The following RAB11FIP5 variants were observed in gnomAD, a reference collection of about 807,000 sequenced individuals.
The protein encoded by RAB11FIP5 is rab11 family-interacting protein 5.
Under a neutral mutation model 85.1 loss-of-function variants are expected in RAB11FIP5, and 48 were observed. The ratio of observed to expected loss-of-function variants is 0.56; its 90% CI spans 0.45 to 0.72. The LOEUF is 0.72. RAB11FIP5 is among the 30% of genes least tolerant of loss of function. RAB11FIP5 has a pLI of 0.00. For missense variants in RAB11FIP5, 1,491 were observed against 1,687.0 expected (o/e 0.88, Z 2.04); for synonymous variants, 729 against 727.3 (o/e 1.00, Z -0.04).
At chr2:73,104,175 T>C (rs1205734243) in intron 1 of RAB11FIP5, among the ~76,000 whole-genome samples, 6 of 152,204 alleles carry the variant, frequency 3.9e-5, no homozygotes, top group South Asian at 4.1e-4. Flanking sequence ...ACTGGTAATG[T>C]TGGATGTCTC....
At chr2:73,101,818 C>A (rs1388960159) in intron 1 of RAB11FIP5, among the ~76,000 whole-genome samples, 2 of 152,208 alleles carry the variant, frequency 1.3e-5, no homozygotes, top group Admixed American at 6.5e-5. Flanking sequence ...TGACACCCAC[C>A]ACCCCTTAAA....
chr2:73,095,963 C>T (rs1371713822), intron 1 of RAB11FIP5, among the ~76,000 whole-genome samples: 2 of 152,190 alleles, frequency 1.3e-5, no homozygotes, highest in African/African-American at 2.4e-5. Context: ...TGTCCGAGAG[C>T]AGCCCAGCCT....
chr2:73,093,880 G>A (rs1288304842), intron 1 of RAB11FIP5, among the ~76,000 whole-genome samples: 1 of 152,206 alleles, frequency 6.6e-6, no homozygotes, highest in Non-Finnish European at 1.5e-5. Context: ...CAGCACTTTG[G>A]GAGGCCAAGG....
At chr2:73,100,761 C>T (rs1684414197) in intron 1 of RAB11FIP5, among the ~76,000 whole-genome samples, 1 of 151,946 alleles carries the variant, frequency 6.6e-6, no homozygotes, top group Non-Finnish European at 1.5e-5. Flanking sequence ...ATTGTCACTC[C>T]TGCCATTCCC....
At chr2:73,084,068 G>A (rs1684049304) in intron 3 of RAB11FIP5, 1 of 152,206 alleles carries the variant, frequency 6.6e-6, no homozygotes, top group South Asian at 2.1e-4. Flanking sequence ...CCTCAGGTTA[G>A]GCTCGGCAAC....
chr2:73,103,169 T>C (rs1684461380), intron 1 of RAB11FIP5, among the ~76,000 whole-genome samples: 1 of 152,174 alleles, frequency 6.6e-6, no homozygotes, highest in East Asian at 1.9e-4. Context: ...CCAGACATAA[T>C]TGCAGGACAG....
chr2:73,078,038 C>T lies in RAB11FIP5; in HGVS notation c.3581+1613G>A, dbSNP rs1356930677. ...GCAGAGCACCCATGCTCTGGGCAGACAGTATGGAGAAAGAATGCATCTCAG... is the reference window on the plus strand; with the variant it reads ...GCAGAGCACCCATGCTCTGGGCAGATAGTATGGAGAAAGAATGCATCTCAG... On this transcript the variant is annotated intron_variant, in intron 4 of 5. Coordinates refer to ENST00000486777, the MANE Select transcript of RAB11FIP5 (RefSeq NM_001371272.1). This position sits in a 1 kb window ranked among gnomAD's most constrained non-coding sequence, Gnocchi z 4.4. 6.6e-6 allele frequency among the ~76,000 whole-genome samples: 1 copy of T among 152,220 alleles called. No individual in the cohort carries two copies. Among genetic ancestry groups the T allele is most frequent in the African/African-American group, 2.4e-5 (1 of 41,450 alleles).
At chr2:73,077,031 C>G (rs1400109705) in intron 4 of RAB11FIP5, among the ~76,000 whole-genome samples, 1 of 152,170 alleles carries the variant, frequency 6.6e-6, no homozygotes, top group Non-Finnish European at 1.5e-5. Context: ...GACCCCACAG[C>G]CCCTTCTCAG....
chr2:73,081,132 A>G lies in RAB11FIP5; in HGVS notation c.2100T>C (p.Pro700=). ...TAKAAEPQGE[P]GGGGGGGGGG... ...CTCCTCCTCCTCCTCCTCCTCCCCC[A>G]GGCTCTCCCTGGGGCTCAGCTGCCT... The change falls in exon 4 of 6, where the codon CCT becomes CCC. Residue 700 remains proline, a synonymous_variant. Transcript: ENST00000486777. This position sits in a 1 kb window ranked among gnomAD's most constrained non-coding sequence, Gnocchi z 4.2. 1 of 1,231,886 alleles carries G rather than the reference A, an allele frequency of 8.1e-7. No individual in the cohort carries two copies. The highest frequency in any genetic ancestry group is 1.0e-6 in the Non-Finnish European group (1 of 988,996). The allele number at this position is 1,231,886 out of a possible 1,614,324, so 76.3% of individuals were successfully genotyped here.
intron 1 of RAB11FIP5, among the ~76,000 whole-genome samples, chr2:73,100,135 TAC>T (rs1209700907): frequency 2.0e-5 from 3 of 152,092 alleles, no homozygotes; most frequent in Non-Finnish European, 4.4e-5. Context: ...TTAGAGCTAG[TAC>T]AAACGGGAGA....
chr2:73,101,793 T>A (rs1301543612), intron 1 of RAB11FIP5, among the ~76,000 whole-genome samples: 1 of 152,060 alleles, frequency 6.6e-6, no homozygotes, highest in Non-Finnish European at 1.5e-5. Context: ...GATCCTGACA[T>A]CCTGACAACC....
In RAB11FIP5 at chr2:73,088,861, G is replaced by C; in HGVS notation, c.868+18C>G. Reference sequence around the variant, plus strand: ...CCAGTGCCCCCCTCCCCAGGGCGGCGGCCCTGTGCTTGCTCACCCCCTTCA... The same window carrying C: ...CCAGTGCCCCCCTCCCCAGGGCGGCCGCCCTGTGCTTGCTCACCCCCTTCA... On this transcript the variant is annotated intron_variant, in intron 2 of 5. Transcript: ENST00000486777. 1 of 1,549,348 alleles carries C rather than the reference G, an allele frequency of 6.5e-7. No homozygotes were observed. The highest frequency in any genetic ancestry group is 8.7e-7 in the Non-Finnish European group (1 of 1,150,154).
chr2:73,083,123 A>C (rs1202085476), intron 3 of RAB11FIP5, among the ~76,000 whole-genome samples: 1 of 152,242 alleles, frequency 6.6e-6, no homozygotes, highest in Non-Finnish European at 1.5e-5. Flanking sequence ...GTGAGTCCTG[A>C]AGGGGCAGAA....
intron 1 of RAB11FIP5, among the ~76,000 whole-genome samples, chr2:73,112,048 C>T (rs1211594566): frequency 1.3e-5 from 2 of 152,150 alleles, no homozygotes; most frequent in Non-Finnish European, 2.9e-5. Context: ...GTTTCCATAG[C>T]CCCAAAGCCT....
intron 1 of RAB11FIP5, among the ~76,000 whole-genome samples, chr2:73,107,187 A>C (rs1390797487): frequency 1.3e-5 from 2 of 152,186 alleles, no homozygotes; most frequent in Non-Finnish European, 2.9e-5. Context: ...GGAAGAACAA[A>C]ACTGCTTCAT....
chr2:73,102,069 CG>C (rs1408846660), intron 1 of RAB11FIP5, among the ~76,000 whole-genome samples: 15 of 151,862 alleles, frequency 9.9e-5, no homozygotes, highest in Admixed American at 9.8e-4. Flanking sequence ...GATGAGGGTG[CG>C]GGATGTGGCA....
chr2:73,088,913 T>C lies in RAB11FIP5; in HGVS notation c.834A>G (p.Ser278=). 1 of 1,587,494 alleles carries C rather than the reference T, an allele frequency of 6.3e-7. No homozygotes were observed. The highest frequency in any genetic ancestry group is 1.7e-4 in the Middle Eastern group (1 of 5,896). The change falls in exon 2 of 6, where the codon TCA becomes TCG. Residue 278 remains serine (S), a synonymous_variant. Coordinates refer to ENST00000486777, the MANE Select transcript of RAB11FIP5 (RefSeq NM_001371272.1). ...TGGACAGCCAGCTGCTACGGCTTGGTGAGCGGGTGAGGAGTTCGGCGCCAG... is the reference window on the plus strand; with the variant it reads ...TGGACAGCCAGCTGCTACGGCTTGGCGAGCGGGTGAGGAGTTCGGCGCCAG... ...QGPGAELLTR[S]PSRSSWLSTE... is the part of the protein sequence containing the mutation.
At position 73,080,249 on chromosome 2, in the gene RAB11FIP5, C is replaced by T. The variant is rs1192672065; in HGVS notation, c.2983G>A (p.Ala995Thr). ...PVSGPCLSAP[A>T]SCPEGPAPIP... ...GGGGCAGGACCCTCAGGGCAGCTGG[C>T]GGGTGCAGACAGGCAGGGCCCAGAC... is the stretch of plus-strand genomic sequence containing the variant. The change falls in exon 4 of 6, where the codon GCC becomes ACC. Residue 995 changes from alanine to threonine, a missense_variant. Physicochemically the swap from Ala to Thr is moderately conservative, Grantham distance 58 (BLOSUM62 0). Coordinates refer to ENST00000486777, the MANE Select transcript of RAB11FIP5 (RefSeq NM_001371272.1). 1.6e-5 allele frequency: 20 copies of T among 1,232,684 alleles called. No homozygotes were observed. The highest frequency in any genetic ancestry group is 1.9e-5 in the Non-Finnish European group (19 of 988,564). The allele number at this position is 1,232,684 out of a possible 1,614,324, so 76.4% of individuals were successfully genotyped here.
intron 1 of RAB11FIP5, among the ~76,000 whole-genome samples, chr2:73,104,830 C>T (rs904199689): frequency 5.9e-5 from 9 of 152,338 alleles, no homozygotes; most frequent in African/African-American, 2.2e-4. Flanking sequence ...CCCCCTCATT[C>T]TCTCACGCTT....
Sources: allele counts gnomAD v4.1 joint callset (sites outside exome capture counted in the v4.1 genomes callset), GRCh38; gene constraint gnomAD v4.1.1; non-coding constraint Gnocchi (gnomAD v3.1); transcripts MANE v1.5; gene names NCBI Gene and HGNC (gene_info 2026-07-23, HGNC 2026-07-21).